PCYT1B: variants seen among roughly 807,000 people sequenced by gnomAD.
The protein encoded by PCYT1B is choline-phosphate cytidylyltransferase B.
In PCYT1B, 10 loss-of-function variants were observed where a neutral mutation model predicts 26.4. The ratio of observed to expected loss-of-function variants is 0.38; its 90% CI spans 0.23 to 0.64. The LOEUF is 0.64. Among genes scored for constraint, PCYT1B ranks in the 30% least tolerant of loss-of-function variants. PCYT1B has a pLI of 0.56. For synonymous variants in PCYT1B, 131 were observed against 108.4 expected (o/e 1.21, Z -1.29); for missense variants, 161 against 292.7 (o/e 0.55, Z 3.28).
chrX:24,637,509 T>TATATATATATATATATATATAAATAA (rs779316769), intron 1 of PCYT1B, among the ~76,000 whole-genome samples: 2 of 64,064 alleles, frequency 3.1e-5, no homozygotes, highest in African/African-American at 2.0e-4. Context: ...TATATATATA[T>TATATATATATATATATATATAAATAA]ATAAATTAGC....
chrX:24,668,196 G>A (rs1056157486), intron 1 of PCYT1B, among the ~76,000 whole-genome samples: 1 of 112,068 alleles, frequency 8.9e-6, no homozygotes, highest in Non-Finnish European at 1.9e-5. Context: ...GGAGCTAACT[G>A]ATGACTGGTG....
chrX:24,593,631 A>G, intron 3 of PCYT1B, among the ~76,000 whole-genome samples: 1 of 108,348 alleles, frequency 9.2e-6, no homozygotes, highest in Non-Finnish European at 1.9e-5. Context: ...GGTTCAAGCA[A>G]TTCTCCTGCC....
intron 1 of PCYT1B, among the ~76,000 whole-genome samples, chrX:24,630,420 C>T (rs373394135): frequency 1.8e-4 from 20 of 110,371 alleles, no homozygotes; most frequent in East Asian, 1.1e-3. Context: ...CTCAGCCTCC[C>T]GAGTAGCTGG....
intron 2 of PCYT1B, among the ~76,000 whole-genome samples, chrX:24,609,239 C>T (rs1170169684): frequency 9.1e-6 from 1 of 110,288 alleles, no homozygotes; most frequent in Non-Finnish European, 1.9e-5. Context: ...GGCGCAATCT[C>T]GGCTCACTGC....
intron 1 of PCYT1B, among the ~76,000 whole-genome samples, chrX:24,628,836 A>C (rs769884677): frequency 8.9e-6 from 1 of 112,308 alleles, no homozygotes; most frequent in African/African-American, 3.2e-5. Flanking sequence ...GCTAAACATA[A>C]TTCTGAACCT....
intron 3 of PCYT1B, among the ~76,000 whole-genome samples, chrX:24,601,100 A>T (rs1263900307): frequency 8.9e-6 from 1 of 112,345 alleles, no homozygotes; most frequent in Non-Finnish European, 1.9e-5. Context: ...ACAACACCAA[A>T]GGCATGAACC....
chrX:24,568,983 C>T (rs1272037069), intron 7 of PCYT1B, among the ~76,000 whole-genome samples: 1 of 110,215 alleles, frequency 9.1e-6, no homozygotes, highest in East Asian at 2.8e-4. Flanking sequence ...GCCTGTAGTC[C>T]CAGCTACTCA....
intron 7 of PCYT1B, among the ~76,000 whole-genome samples, chrX:24,572,961 TAC>T (rs1227476565): frequency 4.8e-5 from 5 of 103,970 alleles, no homozygotes; most frequent in African/African-American, 1.8e-4. Flanking sequence ...TATACACACA[TAC>T]ACACACATAT....
At chrX:24,622,888 C>A (rs1272579909) in intron 1 of PCYT1B, among the ~76,000 whole-genome samples, 1 of 111,916 alleles carries the variant, frequency 8.9e-6, no homozygotes. Flanking sequence ...GTAACTCAAA[C>A]AATTAACTGA....
intron 1 of PCYT1B, among the ~76,000 whole-genome samples, chrX:24,663,641 G>A (rs921838646): frequency 3.6e-5 from 4 of 111,985 alleles, no homozygotes; most frequent in Non-Finnish European, 5.6e-5. Flanking sequence ...CTGGCCAGGC[G>A]CAATGGCTCA....
At chrX:24,641,510 G>A (rs1259348032) in intron 1 of PCYT1B, among the ~76,000 whole-genome samples, 1 of 112,082 alleles carries the variant, frequency 8.9e-6, no homozygotes, top group African/African-American at 3.2e-5. Flanking sequence ...TACGTGAACT[G>A]TGCAACATGA....
rs1329470155 is a variant in PCYT1B, at chrX:24,617,449, A to ATT, written c.217+1534_217+1535dup. On this transcript the variant is annotated intron_variant, in intron 2 of 7. Transcript: ENST00000379144. The stretch of plus-strand genomic sequence containing the variant: ...CCATGTTATTTTATTTTATATTATT[A>ATT]TTATTTTTTTTTTTTTGAGACAGAG... Among the ~76,000 whole-genome samples, 48 of 48,149 alleles carry ATT rather than the reference A, an allele frequency of 1.0e-3. No homozygotes were observed. The South Asian group carries it at 0.015, about 15-fold the overall frequency. The allele number at this position is 48,149 out of a possible 115,157, so 41.8% of individuals were successfully genotyped here.
At chrX:24,594,544 A>G (rs2148237676) in intron 3 of PCYT1B, among the ~76,000 whole-genome samples, 1 of 111,737 alleles carries the variant, frequency 8.9e-6, no homozygotes, top group South Asian at 3.8e-4. Context: ...TATAACTTCT[A>G]CATGACCGAG....
chrX:24,619,222 T>C (rs1343696752), intron 1 of PCYT1B, 138 bp from the exon 2 acceptor site: 1 of 486,850 alleles, frequency 2.1e-6, no homozygotes, highest in African/African-American at 2.3e-5. Flanking sequence ...AGAGAAATAC[T>C]GTACTGTTAG....
intron 1 of PCYT1B, among the ~76,000 whole-genome samples, chrX:24,624,039 T>TCG (rs1218532186): frequency 5.8e-5 from 6 of 104,168 alleles, no homozygotes; most frequent in Admixed American, 4.2e-4. Context: ...TGGCGCAATC[T>TCG]GCTCACTGCA....
intron 1 of PCYT1B, among the ~76,000 whole-genome samples, chrX:24,667,800 T>C (rs1185509974): frequency 8.9e-6 from 1 of 111,960 alleles, no homozygotes; most frequent in African/African-American, 3.2e-5. Flanking sequence ...CTTCATAAAT[T>C]TGGAGAGTTT....
intron 1 of PCYT1B, among the ~76,000 whole-genome samples, chrX:24,659,212 G>C (rs1275194871): frequency 8.9e-6 from 1 of 111,892 alleles, no homozygotes; most frequent in East Asian, 2.8e-4. Context: ...TTTTCATTTA[G>C]TTTGTTTGAC....
At chrX:24,624,008 G>A (rs1328782552) in intron 1 of PCYT1B, among the ~76,000 whole-genome samples, 1 of 87,486 alleles carries the variant, frequency 1.1e-5, no homozygotes. Context: ...GTCTCGCTCT[G>A]TCGCCCAGGC....
intron 3 of PCYT1B, among the ~76,000 whole-genome samples, chrX:24,591,369 A>T (rs1025573221): frequency 3.5e-4 from 39 of 110,921 alleles, no homozygotes; most frequent in South Asian, 3.9e-4. Context: ...AACTACCCTG[A>T]CTGCTCTTTG....
Sources: gnomAD v4.1 joint callset for allele counts (sites outside exome capture counted in the v4.1 genomes callset) on GRCh38, gnomAD v4.1.1 for gene constraint, MANE v1.5 for transcripts, NCBI Gene and HGNC (gene_info 2026-07-23, HGNC 2026-07-21) for gene names.